The following AGTPBP1 variants were observed in gnomAD, a reference collection of about 807,000 sequenced individuals.
AGTPBP1 encodes the protein ATP/GTP binding carboxypeptidase 1.
A neutral mutation model predicts 143.9 loss-of-function variants in AGTPBP1; 70 were observed. The ratio of observed to expected loss-of-function variants is 0.49; its 90% CI spans 0.40 to 0.59. The LOEUF is 0.59. AGTPBP1 is among the 20% of genes least tolerant of loss of function. The pLI, the probability that AGTPBP1 is intolerant of heterozygous loss-of-function variation, is 0.00. For synonymous variants in AGTPBP1, 463 were observed against 500.2 expected (o/e 0.93, Z 0.99); for missense variants, 1,229 against 1,464.5 (o/e 0.84, Z 2.62).
chr9:85,672,678 T>A lies in AGTPBP1; in HGVS notation c.440A>T (p.Lys147Ile). 2 of 1,588,490 alleles carry A rather than the reference T, an allele frequency of 1.3e-6. No homozygotes were observed. The highest frequency in any genetic ancestry group is 1.7e-6 in the Non-Finnish European group (2 of 1,171,860). ...AATTCTAGCCTTTACTCCAAATTTT[T>A]TATCTGTTTAAAAAAAAAAAAGACA... is the stretch of plus-strand genomic sequence containing the variant. ...SILAKIGPKD[K>I]KFGVKARING... The change falls in exon 7 of 26, where the codon AAA becomes ATA. Residue 147 changes from lysine (K) to isoleucine (I), a missense_variant. By Grantham distance (102) the Lys-to-Ile change is moderately radical. Transcript: ENST00000357081.
At chr9:85,640,120 C>CA (rs1832372252) in intron 13 of AGTPBP1, among the ~76,000 whole-genome samples, 1 of 152,118 alleles carries the variant, frequency 6.6e-6, no homozygotes, top group Admixed American at 6.5e-5. Flanking sequence ...TCATGATCTA[C>CA]AAAAAATTGA....
chr9:85,724,639 CA>C (rs1838354399), intron 1 of AGTPBP1, among the ~76,000 whole-genome samples: 1 of 152,190 alleles, frequency 6.6e-6, no homozygotes, highest in Non-Finnish European at 1.5e-5. Context: ...TAAATACTCA[CA>C]TGGTATAATA....
At chr9:85,615,690 G>A (rs1401778826) in intron 17 of AGTPBP1, among the ~76,000 whole-genome samples, 1 of 151,394 alleles carries the variant, frequency 6.6e-6, no homozygotes, top group Non-Finnish European at 1.5e-5. Flanking sequence ...GGTTTTTTTT[G>A]GATGCTCCCT....
chr9:85,558,365 G>C (rs752260896), intron 25 of AGTPBP1, among the ~76,000 whole-genome samples: 1 of 152,096 alleles, frequency 6.6e-6, no homozygotes, highest in Non-Finnish European at 1.5e-5. Flanking sequence ...GTCTCCTTTG[G>C]GGGTGATAAA....
rs1266861049 is a variant in AGTPBP1 at position 85,592,588 on chromosome 9, T to C, written c.2540A>G (p.His847Arg). The change falls in exon 19 of 26, where the codon CAC (histidine) becomes CGC (arginine). Residue 847 changes from histidine (H) to arginine (R), a missense_variant. This residue lies in a region of AGTPBP1 where 486 missense variants were observed against 652.3 expected (regional missense o/e 0.75). Coordinates refer to ENST00000357081, the MANE Select transcript of AGTPBP1 (RefSeq NM_001330701.2). ...HKDDVCYFAY[H>R]YPYTYSTLQM... ...TAAAGTTGAATACGTATATGGATAG[T>C]GATAAGCAAAGTAGCAAACATCATC... 1 of 1,610,862 alleles carries C rather than the reference T, an allele frequency of 6.2e-7. No homozygotes were observed. The highest frequency in any genetic ancestry group is 1.3e-5 in the African/African-American group (1 of 74,812).
intron 10 of AGTPBP1, among the ~76,000 whole-genome samples, chr9:85,656,487 C>T (rs1833516467): frequency 6.6e-6 from 1 of 152,088 alleles, no homozygotes; most frequent in East Asian, 1.9e-4. Flanking sequence ...GATATCTCAA[C>T]TCTTGTCATA....
At chr9:85,756,176 G>A in the AGTPBP1 span, 2 of 1,612,436 alleles carry the variant, frequency 1.2e-6, no homozygotes, top group Non-Finnish European at 1.7e-6. Flanking sequence ...GAAACGGGAG[G>A]CCATAGTTTC....
chr9:85,728,045 A>T (rs1838629476), intron 1 of AGTPBP1, among the ~76,000 whole-genome samples: 1 of 147,630 alleles, frequency 6.8e-6, no homozygotes, highest in African/African-American at 2.6e-5. Context: ...ACACACACAC[A>T]CACACACACA....
At chr9:85,756,543 G>GGATA in the AGTPBP1 span, among the ~76,000 whole-genome samples, 72,702 of 147,314 alleles carry the variant, frequency 0.49, 21,013 homozygotes, top group Non-Finnish European at 0.68. Flanking sequence ...ATGGATAGAT[G>GGATA]GATAGATAGA....
intron 3 of AGTPBP1, among the ~76,000 whole-genome samples, chr9:85,682,887 G>C (rs1465441822): frequency 6.6e-6 from 1 of 152,196 alleles, no homozygotes; most frequent in Non-Finnish European, 1.5e-5. Flanking sequence ...GGAGTAAACA[G>C]AGGGAAAAAT....
intron 14 of AGTPBP1, among the ~76,000 whole-genome samples, chr9:85,624,356 A>G (rs1831139600): frequency 6.6e-6 from 1 of 152,204 alleles, no homozygotes; most frequent in Non-Finnish European, 1.5e-5. Flanking sequence ...GTAACTCAAC[A>G]ACCCTGAGCT....
At chr9:85,748,166 T>G in the AGTPBP1 span, among the ~76,000 whole-genome samples, 1 of 152,216 alleles carries the variant, frequency 6.6e-6, no homozygotes, top group Non-Finnish European at 1.5e-5. Flanking sequence ...AGTTCACTAG[T>G]GCTCTCTCTG....
At chr9:85,776,765 T>C in the AGTPBP1 span, among the ~76,000 whole-genome samples, 1,004 of 152,252 alleles carry the variant, frequency 6.6e-3, 16 homozygotes, top group African/African-American at 0.023. Flanking sequence ...GCAGTGTTCC[T>C]TCCTCTGAAA....
At chr9:85,583,479 G>C (rs1399230909) in intron 23 of AGTPBP1, among the ~76,000 whole-genome samples, 7 of 152,154 alleles carry the variant, frequency 4.6e-5, no homozygotes, top group Non-Finnish European at 8.8e-5. Flanking sequence ...CTGGTGAGGG[G>C]AGGTGTGTGT....
chr9:85,692,569 C>A, intron 3 of AGTPBP1, 120 bp downstream of exon 3: 1 of 1,268,224 alleles, frequency 7.9e-7, no homozygotes, highest in Non-Finnish European at 1.1e-6. Flanking sequence ...CCACCACACC[C>A]GGCCTGAAAG....
At chr9:85,792,010 A>G in the AGTPBP1 span, among the ~76,000 whole-genome samples, 1 of 152,350 alleles carries the variant, frequency 6.6e-6, no homozygotes, top group South Asian at 2.1e-4. Context: ...ATATGCCAAA[A>G]CAAACAAAAA....
At position 85,701,051 on chromosome 9, in the gene AGTPBP1, G is replaced by A. The variant is rs1587933284; in HGVS notation, c.33-8238C>T. On this transcript the variant is annotated intron_variant, in intron 2 of 25. Coordinates refer to ENST00000357081, the MANE Select transcript of AGTPBP1 (RefSeq NM_001330701.2). ...TCGTGCCTCAGCCTCCAGAGTAGCT[G>A]GGATTACAGGCATGTGCCACCATGC... Among the ~76,000 whole-genome samples, 7 of 151,258 alleles carry A rather than the reference G, an allele frequency of 4.6e-5. No individual in the cohort carries two copies. The South Asian group carries it at 1.5e-3, about 32-fold the overall frequency.
the AGTPBP1 span, among the ~76,000 whole-genome samples, chr9:85,771,026 T>G: frequency 1.3e-5 from 2 of 152,212 alleles, no homozygotes; most frequent in South Asian, 4.1e-4. Flanking sequence ...ATTAGTCAAT[T>G]TACTGATCCA....
the AGTPBP1 span, among the ~76,000 whole-genome samples, chr9:85,799,714 C>T: frequency 6.6e-6 from 1 of 152,118 alleles, no homozygotes; most frequent in African/African-American, 2.4e-5. Flanking sequence ...GGTGGGATCT[C>T]ACTATGTTGC....
Sources: allele counts gnomAD v4.1 joint callset (sites outside exome capture counted in the v4.1 genomes callset), GRCh38; gene constraint gnomAD v4.1.1; regional missense constraint gnomAD v4.1.1; transcripts MANE v1.5; gene names NCBI Gene and HGNC (gene_info 2026-07-23, HGNC 2026-07-21).